The following UGCG variants were observed in gnomAD, a reference collection of about 807,000 sequenced individuals.
UGCG encodes ceramide glucosyltransferase.
In UGCG, 10 loss-of-function variants were observed where a neutral mutation model predicts 49.5. That is an observed-to-expected ratio of 0.20 (90% CI 0.12 to 0.34). UGCG has a LOEUF of 0.34. UGCG is among the 10% of genes least tolerant of loss of function. The probability of loss-of-function intolerance (pLI) is 1.00; values close to 1 mark genes in which losing one functional copy is unlikely to be tolerated. For missense variants in UGCG, 312 were observed against 483.7 expected (o/e 0.65, Z 3.33); for synonymous variants, 182 against 158.2 (o/e 1.15, Z -1.13).
chr9:111,916,815 G>A (rs933954062), intron 2 of UGCG, among the ~76,000 whole-genome samples: 1 of 151,630 alleles, frequency 6.6e-6, no homozygotes, highest in Non-Finnish European at 1.5e-5. Context: ...CATTGATTAC[G>A]AGCATTTCTA....
intron 2 of UGCG, among the ~76,000 whole-genome samples, chr9:111,917,562 C>T (rs1021028365): frequency 3.9e-5 from 6 of 152,174 alleles, no homozygotes; most frequent in Non-Finnish European, 8.8e-5. Flanking sequence ...TTCTAATATT[C>T]GATTGGGACT....
intron 2 of UGCG, among the ~76,000 whole-genome samples, chr9:111,920,630 C>T (rs532469414): frequency 6.6e-6 from 1 of 152,308 alleles, no homozygotes; most frequent in East Asian, 1.9e-4. Flanking sequence ...CTCCAAAGTG[C>T]TGGGATTACA....
At chr9:111,920,988 C>T (rs1052811406) in intron 2 of UGCG, among the ~76,000 whole-genome samples, 16 of 151,816 alleles carry the variant, frequency 1.1e-4, no homozygotes, top group African/African-American at 3.1e-4. Flanking sequence ...CTTCAGTCTC[C>T]GCCTCCTGGG....
At chr9:111,917,208 T>C (rs1414881143) in intron 2 of UGCG, among the ~76,000 whole-genome samples, 1 of 152,230 alleles carries the variant, frequency 6.6e-6, no homozygotes, top group Non-Finnish European at 1.5e-5. Flanking sequence ...TTTCTAATTA[T>C]AAACTTATAT....
intron 2 of UGCG, among the ~76,000 whole-genome samples, chr9:111,916,563 A>G (rs2118547096): frequency 6.6e-6 from 1 of 152,128 alleles, no homozygotes; most frequent in South Asian, 2.1e-4. Flanking sequence ...TCAGCCTCCC[A>G]GGCTCAACCA....
chr9:111,918,573 C>T (rs1838152848), intron 2 of UGCG, among the ~76,000 whole-genome samples: 1 of 152,140 alleles, frequency 6.6e-6, no homozygotes, highest in South Asian at 2.1e-4. Flanking sequence ...CTCATTTACA[C>T]TCTGGCTAAT....
At chr9:111,924,438 AGTCATTTTC>A (rs1415962189) in intron 3 of UGCG, among the ~76,000 whole-genome samples, 1 of 152,154 alleles carries the variant, frequency 6.6e-6, no homozygotes, top group Non-Finnish European at 1.5e-5. Context: ...ATCTACTCTT[AGTCATTTTC>A]AAGTATACCA....
At chr9:111,910,931 G>A (rs926224266) in intron 1 of UGCG, among the ~76,000 whole-genome samples, 4 of 152,066 alleles carry the variant, frequency 2.6e-5, no homozygotes, top group Non-Finnish European at 4.4e-5. Context: ...TTTTTTAGTA[G>A]AGACGGAGTT....
intron 5 of UGCG, among the ~76,000 whole-genome samples, chr9:111,926,953 A>G (rs1291760375): frequency 7.8e-6 from 1 of 128,296 alleles, no homozygotes; most frequent in East Asian, 2.4e-4. Context: ...GCTCACTGCA[A>G]CCTCCACTTC....
At chr9:111,927,460 G>GT (rs902765682) in intron 5 of UGCG, among the ~76,000 whole-genome samples, 207 of 146,222 alleles carry the variant, frequency 1.4e-3, no homozygotes, top group Middle Eastern at 7.0e-3. Flanking sequence ...TTTTTGTTTT[G>GT]TTTTTTTTTT....
At chr9:111,926,326 A>G in intron 4 of UGCG, 58 bp from the exon 5 acceptor site, 1 of 1,110,992 alleles carries the variant, frequency 9.0e-7, no homozygotes, top group African/African-American at 1.6e-5. Context: ...ATTAATGGGC[A>G]TTCTACTAAA....
chr9:111,920,723 A>G (rs904201879), intron 2 of UGCG, among the ~76,000 whole-genome samples: 77 of 152,198 alleles, frequency 5.1e-4, no homozygotes, highest in African/African-American at 1.8e-3. Flanking sequence ...AACAATTGTT[A>G]TTATGCTCAC....
intron 2 of UGCG, among the ~76,000 whole-genome samples, chr9:111,919,225 C>T (rs1395345932): frequency 2.0e-5 from 3 of 152,166 alleles, no homozygotes; most frequent in Non-Finnish European, 4.4e-5. Context: ...AAAGGCTGGG[C>T]ATAGTGGCTC....
intron 1 of UGCG, among the ~76,000 whole-genome samples, chr9:111,900,703 A>C (rs1432669734): frequency 6.6e-6 from 1 of 152,094 alleles, no homozygotes; most frequent in Non-Finnish European, 1.5e-5. Flanking sequence ...CATGTTTCCC[A>C]GGCTGGTCTT....
At chr9:111,905,047 A>C (rs1472076429) in intron 1 of UGCG, among the ~76,000 whole-genome samples, 1 of 152,200 alleles carries the variant, frequency 6.6e-6, no homozygotes, top group East Asian at 1.9e-4. Context: ...TGACAGAGCA[A>C]GATTGTATCT....
At chr9:111,918,895 C>T (rs1029220761) in intron 2 of UGCG, among the ~76,000 whole-genome samples, 2 of 149,294 alleles carry the variant, frequency 1.3e-5, no homozygotes, top group African/African-American at 4.9e-5. Context: ...ACAGCACTCC[C>T]GCCTGGGCGA....
chr9:111,904,658 T>A (rs1204865741), intron 1 of UGCG, among the ~76,000 whole-genome samples: 1 of 152,006 alleles, frequency 6.6e-6, no homozygotes, highest in Non-Finnish European at 1.5e-5. Flanking sequence ...GTCAGGAGTT[T>A]GAGACCAGCC....
intron 8 of UGCG, 37 bp downstream of exon 8, chr9:111,932,396 G>A (rs1838441979): frequency 6.4e-7 from 1 of 1,572,306 alleles, no homozygotes; most frequent in Non-Finnish European, 8.7e-7. Context: ...GCAGTCCCTT[G>A]GTGGAACTAG....
chr9:111,932,500 C>T (rs1271659282), intron 8 of UGCG, 141 bp downstream of exon 8: 3 of 896,386 alleles, frequency 3.3e-6, no homozygotes, highest in Non-Finnish European at 4.8e-6. Flanking sequence ...ACATGACTTT[C>T]TCTAGTGGAA....
Sources: gnomAD v4.1 joint callset for allele counts (sites outside exome capture counted in the v4.1 genomes callset) on GRCh38, gnomAD v4.1.1 for gene constraint, MANE v1.5 for transcripts, NCBI Gene and HGNC (gene_info 2026-07-23, HGNC 2026-07-21) for gene names.